DOCK10: variants seen among roughly 807,000 people sequenced by gnomAD.
The protein encoded by DOCK10 is dedicator of cytokinesis 10.
A neutral mutation model predicts 280.1 loss-of-function variants in DOCK10; 145 were observed. The observed-to-expected ratio is 0.52, with a 90% confidence interval of 0.45 to 0.59. The LOEUF (loss-of-function observed/expected upper bound fraction) is 0.59, where lower values mean the gene tolerates loss of function less well. Among genes scored for constraint, DOCK10 ranks in the 20% least tolerant of loss-of-function variants. DOCK10 has a pLI of 0.00. For synonymous variants in DOCK10, 915 were observed against 942.2 expected, an observed-to-expected ratio of 0.97 and a Z score of 0.53; for missense variants, 2,368 against 2,651.7, an observed-to-expected ratio of 0.89 and a Z score of 2.35.
chr2:224,889,493 C>A (rs78300308), intron 4 of DOCK10, among the ~76,000 whole-genome samples: 2 of 152,160 alleles, frequency 1.3e-5, no homozygotes, highest in East Asian at 1.9e-4. Flanking sequence ...GTATTAGAAG[C>A]CTGCATTTAG....
chr2:224,821,151 T>C (rs1350194304), intron 28 of DOCK10, among the ~76,000 whole-genome samples: 1 of 152,234 alleles, frequency 6.6e-6, no homozygotes, highest in Non-Finnish European at 1.5e-5. Flanking sequence ...TTTCCCATAA[T>C]GTGGGGTAAG....
chr2:224,957,778 A>G (rs1575113887), intron 1 of DOCK10, among the ~76,000 whole-genome samples: 1 of 152,216 alleles, frequency 6.6e-6, no homozygotes, highest in Non-Finnish European at 1.5e-5. Context: ...AAATTAGTGC[A>G]TAAGCCTAGG....
chr2:224,783,032 T>C (rs1691464854), intron 50 of DOCK10, among the ~76,000 whole-genome samples: 2 of 152,194 alleles, frequency 1.3e-5, no homozygotes, highest in Admixed American at 6.5e-5. Flanking sequence ...TGAAGTGATA[T>C]GTGCTGTCTG....
chr2:224,903,030 G>A (rs966806470), intron 3 of DOCK10, among the ~76,000 whole-genome samples: 2 of 152,162 alleles, frequency 1.3e-5, no homozygotes, highest in African/African-American at 2.4e-5. Flanking sequence ...CCCGGGAGGC[G>A]GAGCTTGCAG....
Position 224,908,042 on chromosome 2 carries a change from ATGTG to A in DOCK10, c.333+8649_333+8652del, listed in dbSNP as rs149316414. Among the ~76,000 whole-genome samples, 4 of 150,974 alleles carry A rather than the reference ATGTG, an allele frequency of 2.6e-5. No individual in the cohort carries two copies. In the South Asian group the frequency reaches 6.3e-4, roughly 24 times the overall value. ...GATATTAGCTAATTAAAGACTCTGA[ATGTG>A]TGTGTGTGTGTGTGTATGTTTCTAT... On this transcript the variant is annotated intron_variant, in intron 3 of 55. Transcript: ENST00000258390.
intron 3 of DOCK10, among the ~76,000 whole-genome samples, chr2:224,914,558 G>A (rs1173496726): frequency 6.6e-6 from 1 of 152,110 alleles, no homozygotes; most frequent in African/African-American, 2.4e-5. Context: ...TTAATAGGAC[G>A]CATATGCATG....
At chr2:224,838,962 G>A (rs1278469181) in intron 24 of DOCK10, among the ~76,000 whole-genome samples, 1 of 152,160 alleles carries the variant, frequency 6.6e-6, no homozygotes, top group African/African-American at 2.4e-5. Context: ...CTGGAGAATA[G>A]GCACTTTCTT....
intron 1 of DOCK10, among the ~76,000 whole-genome samples, chr2:225,015,900 T>A (rs1689577372): frequency 6.6e-6 from 1 of 152,140 alleles, no homozygotes; most frequent in African/African-American, 2.4e-5. Context: ...TGTCAAAATG[T>A]CAACTAAATA....
At chr2:225,035,552 ATATATATATATAT>A (rs1690210812) in intron 1 of DOCK10, among the ~76,000 whole-genome samples, 1 of 20,876 alleles carries the variant, frequency 4.8e-5, no homozygotes, top group African/African-American at 1.9e-4. Context: ...TTATATATAT[ATATATATATATAT>A]ATATATATAT....
chr2:224,879,999 C>A (rs1574984772), intron 7 of DOCK10, among the ~76,000 whole-genome samples: 2 of 152,104 alleles, frequency 1.3e-5, no homozygotes, highest in South Asian at 4.1e-4. Flanking sequence ...ATATTGGGTC[C>A]AAATTAAAGG....
intron 50 of DOCK10, chr2:224,784,696 T>C (rs1019974689): frequency 7.8e-7 from 1 of 1,288,826 alleles, no homozygotes; most frequent in Non-Finnish European, 1.0e-6. Flanking sequence ...TGAGGGGTGT[T>C]AGAGCATGCA....
At chr2:224,803,840 G>T (rs967924850) in intron 39 of DOCK10, among the ~76,000 whole-genome samples, 3 of 152,106 alleles carry the variant, frequency 2.0e-5, no homozygotes, top group South Asian at 2.1e-4. Flanking sequence ...TTCAGTCTAT[G>T]CAAGGGATTG....
chr2:224,842,725 C>T (rs1696048635), intron 22 of DOCK10, among the ~76,000 whole-genome samples: 1 of 152,132 alleles, frequency 6.6e-6, no homozygotes, highest in Non-Finnish European at 1.5e-5. Context: ...GACTGCATAC[C>T]AGGGTCTTAG....
intron 53 of DOCK10, 145 bp downstream of exon 53, chr2:224,773,012 G>T (rs1690558796): frequency 4.4e-6 from 3 of 688,354 alleles, no homozygotes; most frequent in African/African-American, 3.6e-5. Context: ...ACAACTAGAA[G>T]CCATTTTAAA....
chr2:224,864,654 G>A lies in DOCK10; in HGVS notation c.1501C>T (p.Pro501Ser), dbSNP rs1697753310. Reference sequence around the variant, plus strand: ...GCCACCAAAACAATTTCAGAATGTGGATTGCTTACAGAAAATACAGCCTGT... The same window carrying A: ...GCCACCAAAACAATTTCAGAATGTGAATTGCTTACAGAAAATACAGCCTGT... ...PKQAVFSVSN[P>S]HSEIVLVAKI... The change falls in exon 13 of 56, where the codon CCA becomes TCA. Residue 501 changes from proline to serine, a missense_variant. By Grantham distance (74) the Pro-to-Ser change is moderately conservative. Transcript: ENST00000258390. The A allele has an allele frequency of 3.7e-6, 6 of 1,612,562 alleles. No homozygotes were observed. Among genetic ancestry groups the A allele is most frequent in the Non-Finnish European group, 5.1e-6 (6 of 1,179,580 alleles).
chr2:224,961,430 C>G (rs1241357417), intron 1 of DOCK10, among the ~76,000 whole-genome samples: 1 of 125,352 alleles, frequency 8.0e-6, no homozygotes, highest in East Asian at 2.5e-4. Flanking sequence ...TTCTTTCTTT[C>G]TTTCTTTCTT....
intron 2 of DOCK10, among the ~76,000 whole-genome samples, chr2:224,918,969 T>C (rs1179643549): frequency 1.4e-5 from 2 of 138,668 alleles, no homozygotes; most frequent in East Asian, 4.6e-4. Flanking sequence ...TGTGTGTATG[T>C]GTGGTGTGTG....
chr2:224,999,016 G>A (rs1426337929), intron 1 of DOCK10, among the ~76,000 whole-genome samples: 5 of 151,988 alleles, frequency 3.3e-5, no homozygotes, highest in South Asian at 2.1e-4. Flanking sequence ...GTGAAACCTC[G>A]GCTCTACTAA....
At chr2:225,039,138 T>C (rs1251128248) in intron 1 of DOCK10, among the ~76,000 whole-genome samples, 1 of 152,236 alleles carries the variant, frequency 6.6e-6, no homozygotes, top group Non-Finnish European at 1.5e-5. Flanking sequence ...ATGAGCTTCT[T>C]ATCAAAAAGG....
Sources: gnomAD v4.1 joint callset for allele counts (sites outside exome capture counted in the v4.1 genomes callset) on GRCh38, gnomAD v4.1.1 for gene constraint, MANE v1.5 for transcripts, NCBI Gene and HGNC (gene_info 2026-07-23, HGNC 2026-07-21) for gene names.